MCF2: variants seen among roughly 807,000 people sequenced by gnomAD.
MCF2 encodes MCF.2 cell line derived transforming sequence, also known as proto-oncogene DBL.
A neutral mutation model predicts 82.5 loss-of-function variants in MCF2; 44 were observed. That is an observed-to-expected ratio of 0.53 (90% CI 0.42 to 0.69). The LOEUF (loss-of-function observed/expected upper bound fraction) is 0.69, where lower values mean the gene tolerates loss of function less well. Ranked by LOEUF, MCF2 falls within the 30% of genes least tolerant of loss-of-function variation. The pLI, the probability that MCF2 is intolerant of heterozygous loss-of-function variation, is 0.00. For synonymous variants in MCF2, 217 were observed against 224.9 expected, an observed-to-expected ratio of 0.96 and a Z score of 0.32; for missense variants, 623 against 663.1, an observed-to-expected ratio of 0.94 and a Z score of 0.66.
chrX:139,608,140 A>G (rs1049114332), intron 11 of MCF2, among the ~76,000 whole-genome samples: 12 of 111,710 alleles, frequency 1.1e-4, no homozygotes, highest in Non-Finnish European at 9.4e-5. Flanking sequence ...AAACCTTTCT[A>G]GAAAATATTA....
exon 9 of MCF2, chrX:139,616,456 A>G: frequency 9.0e-7 from 1 of 1,112,219 alleles, no homozygotes; most frequent in South Asian, 2.5e-5. Flanking sequence ...ATTCCCCTTC[A>G]TCACAGCATT....
chrX:139,617,517 T>C (rs1242653454), exon 8 of MCF2: 16 of 1,175,146 alleles, frequency 1.4e-5, no homozygotes, highest in Non-Finnish European at 1.8e-5. Flanking sequence ...CACTACCTGC[T>C]GTAGGAGTTT....
At chrX:139,626,920 G>A (rs1481647013) in intron 4 of MCF2, among the ~76,000 whole-genome samples, 164 bp from the exon 8 acceptor site, 1 of 111,597 alleles carries the variant, frequency 9.0e-6, no homozygotes, top group Non-Finnish European at 1.9e-5. Context: ...CAAAATCTCA[G>A]TGCCACAAAA....
intron 3 of MCF2, among the ~76,000 whole-genome samples, chrX:139,631,091 AC>A (rs1282960397): frequency 6.3e-5 from 7 of 111,535 alleles, no homozygotes; most frequent in Non-Finnish European, 9.5e-5. Flanking sequence ...TTGAATCCAA[AC>A]CCTTCATTTC....
chrX:139,653,040 T>A (rs1033018685), intron 1 of MCF2, among the ~76,000 whole-genome samples: 4 of 112,206 alleles, frequency 3.6e-5, no homozygotes, highest in Non-Finnish European at 7.5e-5. Flanking sequence ...ATACATAAAG[T>A]CATTTCTTAA....
exon 23 of MCF2, chrX:139,586,436 G>C: frequency 8.3e-7 from 1 of 1,210,036 alleles, no homozygotes; most frequent in Non-Finnish European, 1.1e-6. Flanking sequence ...CCACAGTGCT[G>C]GTGTGTTCCA....
At chrX:139,585,852 T>C (rs1928904050) in intron 23 of MCF2, among the ~76,000 whole-genome samples, 1 of 112,509 alleles carries the variant, frequency 8.9e-6, no homozygotes, top group African/African-American at 3.2e-5. Flanking sequence ...TTTGTTGAAT[T>C]AAATAAAGTA....
upstream of MCF2, chrX:139,646,932 A>C (rs1227537949): frequency 1.2e-6 from 1 of 829,311 alleles, no homozygotes; most frequent in South Asian, 2.4e-5. Flanking sequence ...AATCAACTGA[A>C]TTAAAAATGT....
Position 139,619,567 on chromosome X carries a change from C to T in MCF2, c.807+20G>A. On this transcript the variant is annotated intron_variant, in intron 7 of 24. Transcript: ENST00000370576. ...CTATTATACTGTATAATATAGCAGACATCTAAAATACAATCTTACCTGAGA... is the reference window on the plus strand; with the variant it reads ...CTATTATACTGTATAATATAGCAGATATCTAAAATACAATCTTACCTGAGA... The T allele has an allele frequency of 9.0e-7, 1 of 1,115,498 alleles. No homozygotes were observed. The highest frequency in any genetic ancestry group is 1.2e-6 in the Non-Finnish European group (1 of 818,653). The allele number at this position is 1,115,498 out of a possible 1,213,427, so 91.9% of individuals were successfully genotyped here. A position where few individuals can be genotyped will look rare whatever the true frequency, so the allele number is the denominator to read the frequency against.
chrX:139,697,297 A>G (rs1935402847), intron 1 of MCF2, among the ~76,000 whole-genome samples: 2 of 112,089 alleles, frequency 1.8e-5, no homozygotes, highest in African/African-American at 3.2e-5. Flanking sequence ...AATGAAACCA[A>G]TATCATGAAA....
chrX:139,694,357 C>A (rs1389883436), intron 1 of MCF2, among the ~76,000 whole-genome samples: 4 of 83,575 alleles, frequency 4.8e-5, no homozygotes, highest in South Asian at 6.0e-4. Flanking sequence ...ATAAGGTAAC[C>A]AAAAAAATAA....
At chrX:139,604,738 G>A in exon 15 of MCF2, 1 of 1,195,427 alleles carries the variant, frequency 8.4e-7, no homozygotes, top group Non-Finnish European at 1.1e-6. Context: ...TTTCCAGGCT[G>A]CTCAAGAAAA....
rs747550552 is a variant in MCF2 at position 139,656,765 on chromosome X, T to A, written c.-44-4977A>T. On this transcript the variant is annotated intron_variant, in intron 1 of 27. Transcript: ENST00000414978. ...TGACCCTCTCGAATTTCCACACGGATTTTTTCCTGAAATATAAAAGTGAGA... is the reference window on the plus strand; with the variant it reads ...TGACCCTCTCGAATTTCCACACGGAATTTTTCCTGAAATATAAAAGTGAGA... Among the ~76,000 whole-genome samples the A allele has an allele frequency of 3.5e-4, 39 of 112,251 alleles. 1 individual carries two copies. In the Admixed American group the frequency reaches 3.5e-3, roughly 10 times the overall value.
At chrX:139,701,662 G>C (rs1415859042) in intron 1 of MCF2, among the ~76,000 whole-genome samples, 1 of 111,873 alleles carries the variant, frequency 8.9e-6, no homozygotes, top group Admixed American at 9.5e-5. Context: ...CCCTTTCTCT[G>C]TCTCTATCTT....
intron 1 of MCF2, among the ~76,000 whole-genome samples, chrX:139,678,410 G>A (rs1934923380): frequency 9.0e-6 from 1 of 111,273 alleles, no homozygotes; most frequent in East Asian, 2.8e-4. Flanking sequence ...CTATGGGTAG[G>A]ATAGACTTTT....
Position 139,613,364 on chromosome X carries a change from T to C in MCF2, c.1363+1517A>G, listed in dbSNP as rs143457465. 9.7e-4 allele frequency: 574 copies of C among 589,943 alleles called. 8 individuals carry two copies. The East Asian group carries it at 0.021, about 22-fold the overall frequency. 48.6% of individuals were successfully genotyped at this position (589,943 alleles called of 1,213,427 possible). A position where few individuals can be genotyped will look rare whatever the true frequency, so the allele number is the denominator to read the frequency against. ...ATGAGTGACTAATGACTTGCATGGA[T>C]CTGTAACAGTCTCCTCAAAACTCCG... On this transcript the variant is annotated intron_variant, in intron 10 of 24. Transcript: ENST00000370576.
At chrX:139,670,249 A>G (rs1934643307) in intron 1 of MCF2, among the ~76,000 whole-genome samples, 1 of 111,853 alleles carries the variant, frequency 8.9e-6, no homozygotes, top group Non-Finnish European at 1.9e-5. Flanking sequence ...GCTAGGGAAA[A>G]AAGACTGCAA....
At chrX:139,661,541 G>A (rs1334292473) in intron 1 of MCF2, among the ~76,000 whole-genome samples, 2 of 111,622 alleles carry the variant, frequency 1.8e-5, no homozygotes, top group African/African-American at 6.5e-5. Flanking sequence ...TGTGTGGGAA[G>A]GAGAAGGAGA....
chrX:139,686,296 G>C (rs1474600210), intron 1 of MCF2, among the ~76,000 whole-genome samples: 1 of 111,303 alleles, frequency 9.0e-6, no homozygotes, highest in Non-Finnish European at 1.9e-5. Context: ...AAAAATAAAG[G>C]ACATCCCAAT....
Sources: allele counts gnomAD v4.1 joint callset (sites outside exome capture counted in the v4.1 genomes callset), GRCh38; gene constraint gnomAD v4.1.1; transcripts MANE v1.5; gene names NCBI Gene and HGNC (gene_info 2026-07-23, HGNC 2026-07-21).